The following RGS12 variants were observed in gnomAD, a reference collection of about 807,000 sequenced individuals.
RGS12 encodes regulator of G protein signaling 12, also known as regulator of G-protein signaling 12.
A neutral mutation model predicts 120.1 loss-of-function variants in RGS12; 66 were observed. That is an observed-to-expected ratio of 0.55 (90% CI 0.45 to 0.67). RGS12 has a LOEUF of 0.67. RGS12 is among the 30% of genes least tolerant of loss of function. The probability of loss-of-function intolerance (pLI) is 0.00; values close to 1 mark genes in which losing one functional copy is unlikely to be tolerated. For synonymous variants in RGS12, 827 were observed against 804.7 expected (o/e 1.03, Z -0.47); for missense variants, 1,859 against 1,957.7 (o/e 0.95, Z 0.95).
At chr4:3,314,191 C>T (rs1724585834) in intron 1 of RGS12, 1 of 151,864 alleles carries the variant, frequency 6.6e-6, no homozygotes, top group Non-Finnish European at 1.5e-5. Context: ...CATAATTTTA[C>T]TAAGTACGCA....
chr4:3,381,678 G>C (rs1718274290), intron 3 of RGS12, among the ~76,000 whole-genome samples: 3 of 152,178 alleles, frequency 2.0e-5, no homozygotes, highest in Admixed American at 1.3e-4. Context: ...CTGTTCCCAT[G>C]ATTCAGTTAC....
intron 3 of RGS12, among the ~76,000 whole-genome samples, chr4:3,375,800 A>G (rs1314881070): frequency 2.0e-5 from 3 of 152,178 alleles, no homozygotes; most frequent in Non-Finnish European, 4.4e-5. Context: ...CCTGGTGGCC[A>G]GCTGTGTTAC....
intron 1 of RGS12, among the ~76,000 whole-genome samples, chr4:3,305,754 T>A (rs1723940415): frequency 6.6e-6 from 1 of 152,194 alleles, no homozygotes; most frequent in Non-Finnish European, 1.5e-5. Context: ...ATGGTGGCAG[T>A]TCCTTGTTCA....
intron 2 of RGS12, chr4:3,342,422 T>C (rs1394210333): frequency 8.7e-6 from 11 of 1,264,442 alleles, no homozygotes; most frequent in Non-Finnish European, 1.1e-5. Context: ...GCCAGTTATT[T>C]CCTGCGCCGG....
chr4:3,376,247 A>AACACACACACACACAC (rs55666879), intron 3 of RGS12, among the ~76,000 whole-genome samples: 5 of 143,492 alleles, frequency 3.5e-5, no homozygotes, highest in African/African-American at 7.9e-5. Context: ...AGCTCCTTGG[A>AACACACACACACACAC]ACACACACAC....
At chr4:3,295,689 C>T (rs1210677522) in intron 1 of RGS12, among the ~76,000 whole-genome samples, 3 of 149,166 alleles carry the variant, frequency 2.0e-5, no homozygotes, top group Non-Finnish European at 3.0e-5. Context: ...AAAGCTCCAT[C>T]TCAAAAACAA....
At chr4:3,428,849 CG>C in intron 16 of RGS12, 138 bp downstream of exon 16, 1 of 741,830 alleles carries the variant, frequency 1.3e-6, no homozygotes, top group Non-Finnish European at 2.2e-6. Flanking sequence ...ATGTTTCTCC[CG>C]GGGGCAGTCT....
chr4:3,299,206 T>C lies in RGS12; in HGVS notation c.-102+6107T>C, dbSNP rs115655189. ...TCTGCTGGACTCTGGGGTCTCTCTGTGCATGGATGGCTCACCACTGGCCAG... is the reference window on the plus strand; with the variant it reads ...TCTGCTGGACTCTGGGGTCTCTCTGCGCATGGATGGCTCACCACTGGCCAG... On this transcript the variant is annotated intron_variant, in intron 1 of 17. Coordinates refer to ENST00000336727, the MANE Select transcript of RGS12 (RefSeq NM_001394154.1). Among the ~76,000 whole-genome samples the C allele has an allele frequency of 9.6e-3, 1,453 of 152,106 alleles. 11 individuals carry two copies. Among genetic ancestry groups the C allele is most frequent in the Non-Finnish European group, 0.012 (840 of 67,990 alleles).
chr4:3,437,008 C>G (rs1724872753), intron 17 of RGS12, among the ~76,000 whole-genome samples: 1 of 152,192 alleles, frequency 6.6e-6, no homozygotes, highest in South Asian at 2.1e-4. Flanking sequence ...GAGGCCAGGC[C>G]CCTCTGGAGG....
chr4:3,286,890 G>A, the RGS12 span, among the ~76,000 whole-genome samples: 2 of 152,330 alleles, frequency 1.3e-5, no homozygotes, highest in South Asian at 2.1e-4. Context: ...TGCGGGAGCC[G>A]ACGCTGCTCC....
In RGS12 at chr4:3,431,440, G is replaced by C. The variant is rs564063938; in HGVS notation, c.4114+485G>C. On this transcript the variant is annotated intron_variant, in intron 17 of 17. Transcript: ENST00000336727. ...ACAGGCCCGTCCTCGGAAGAGCCTT[G>C]AGAGTGCAGCTCGGACCCACCGGCG... 2.9e-5 allele frequency: 29 copies of C among 997,730 alleles called. No individual in the cohort carries two copies. In the East Asian group the frequency reaches 1.2e-3, roughly 42 times the overall value. The allele number at this position is 997,730 out of a possible 1,614,324, so 61.8% of individuals were successfully genotyped here. A position where few individuals can be genotyped will look rare whatever the true frequency, so the allele number is the denominator to read the frequency against.
chr4:3,417,158 T>TG (rs2109124742), intron 8 of RGS12, 66 bp downstream of exon 8: 2 of 1,476,002 alleles, frequency 1.4e-6, no homozygotes, highest in African/African-American at 2.8e-5. Context: ...AGCTGTTCTG[T>TG]GGGGAGTGAA....
intron 1 of RGS12, among the ~76,000 whole-genome samples, chr4:3,298,970 T>C (rs1723528285): frequency 6.6e-6 from 1 of 152,226 alleles, no homozygotes; most frequent in African/African-American, 2.4e-5. Flanking sequence ...TCAATTTCTA[T>C]TGGCTTCTTC....
upstream of RGS12, among the ~76,000 whole-genome samples, chr4:3,291,348 C>CTTT (rs66464754): frequency 0.011 from 1,399 of 132,976 alleles, 41 homozygotes; most frequent in Middle Eastern, 0.029. Context: ...TTTCCTGGCT[C>CTTT]TTTTTTTTTT....
intron 2 of RGS12, among the ~76,000 whole-genome samples, chr4:3,325,217 GTTTTA>G (rs1235577286): frequency 2.0e-5 from 3 of 152,214 alleles, no homozygotes; most frequent in Non-Finnish European, 2.9e-5. Flanking sequence ...TGCGGCTTAA[GTTTTA>G]TTTTGATTTG....
At position 3,374,501 on chromosome 4, in the gene RGS12, C is replaced by T. The variant is rs972584689; in HGVS notation, c.1999-11915C>T. Reference sequence around the variant, plus strand: ...CAGTGACAGGTCCACATCTTCTCACCGTCTCTCCTCGGACATCCAGGAGGC... The same window carrying T: ...CAGTGACAGGTCCACATCTTCTCACTGTCTCTCCTCGGACATCCAGGAGGC... On this transcript the variant is annotated intron_variant, in intron 3 of 17. Coordinates refer to ENST00000336727, the MANE Select transcript of RGS12 (RefSeq NM_001394154.1). This position sits in a 1 kb window ranked among gnomAD's most constrained non-coding sequence, Gnocchi z 6.3. 4.6e-5 allele frequency among the ~76,000 whole-genome samples: 7 copies of T among 152,110 alleles called. No individual in the cohort carries two copies. Among genetic ancestry groups the T allele is most frequent in the Admixed American group, 1.3e-4 (2 of 15,278 alleles).
intron 2 of RGS12, among the ~76,000 whole-genome samples, chr4:3,337,825 A>G (rs1018136601): frequency 1.7e-4 from 26 of 152,174 alleles, no homozygotes; most frequent in African/African-American, 6.3e-4. Flanking sequence ...TAACTTGGTA[A>G]ATTTTGTGTT....
At chr4:3,310,937 G>A (rs1375307857) in intron 1 of RGS12, among the ~76,000 whole-genome samples, 1 of 152,216 alleles carries the variant, frequency 6.6e-6, no homozygotes, top group Non-Finnish European at 1.5e-5. Flanking sequence ...CTGTGTGCTG[G>A]TAGACAAGTT....
At chr4:3,405,209 C>T (rs1399728858) in intron 4 of RGS12, among the ~76,000 whole-genome samples, 1 of 152,170 alleles carries the variant, frequency 6.6e-6, no homozygotes, top group Non-Finnish European at 1.5e-5. Context: ...TACAGAGCCT[C>T]GGGGTAGTTC....
Sources: allele counts gnomAD v4.1 joint callset (sites outside exome capture counted in the v4.1 genomes callset), GRCh38; gene constraint gnomAD v4.1.1; non-coding constraint Gnocchi (gnomAD v3.1); transcripts MANE v1.5; gene names NCBI Gene and HGNC (gene_info 2026-07-23, HGNC 2026-07-21).